CLCN4: variants seen among roughly 807,000 people sequenced by gnomAD.
The protein encoded by CLCN4 is Cl-/H+ antiporter 4.
CLCN4 carries 1 observed loss-of-function variant against 41.7 expected under a neutral mutation model. The observed-to-expected ratio is 0.02, with a 90% CI of 0.01 to 0.11. CLCN4 has a LOEUF of 0.11. Ranked by LOEUF, CLCN4 falls within the 10% of genes least tolerant of loss-of-function variation. CLCN4 has a pLI of 1.00. For missense variants in CLCN4, 287 were observed against 661.0 expected (o/e 0.43, Z 6.20); for synonymous variants, 277 against 285.8 (o/e 0.97, Z 0.31).
chrX:10,212,384 G>T, intron 9 of CLCN4, 83 bp from the exon 10 acceptor site: 1 of 967,413 alleles, frequency 1.0e-6, no homozygotes. Context: ...CAAGCCCGTC[G>T]AGGGGGAATG....
At chrX:10,218,343 G>A (rs1316979611) in intron 11 of CLCN4, among the ~76,000 whole-genome samples, 1 of 111,483 alleles carries the variant, frequency 9.0e-6, no homozygotes, top group Non-Finnish European at 1.9e-5. Flanking sequence ...ATGCATTTTC[G>A]GTTGTATTGT....
Position 10,194,937 on chromosome X carries a change from G to A in CLCN4, c.271G>A (p.Ala91Thr). Reference sequence around the variant, plus strand: ...CACCTTGGCTGGGGTCATCGATCTCGCCGTGGACTGGATGACGGACCTGAA... The same window carrying A: ...CACCTTGGCTGGGGTCATCGATCTCACCGTGGACTGGATGACGGACCTGAA... ...AGTLAGVIDL[A>T]VDWMTDLKEG... The change falls in exon 5 of 13, where the codon GCC (alanine) becomes ACC (threonine). Residue 91 changes from alanine to threonine, a missense_variant. By Grantham distance (58) the Ala-to-Thr change is moderately conservative. Transcript: ENST00000380833. 1.7e-6 allele frequency: 2 copies of A among 1,211,312 alleles called. No homozygotes were observed. Among genetic ancestry groups the A allele is most frequent in the Non-Finnish European group, 2.2e-6 (2 of 895,335 alleles).
At position 10,234,481 on chromosome X, in the gene CLCN4, C is replaced by A. The variant is rs1242452694; in HGVS notation, c.*897C>A. The A allele has an allele frequency of 8.9e-6, 1 of 112,992 alleles. No homozygotes were observed. The highest frequency in any genetic ancestry group is 9.3e-5 in the Admixed American group (1 of 10,714). The allele number at this position is 112,992 out of a possible 1,213,427, so 9.3% of individuals were successfully genotyped here. ...TGGGCCATAGCCGGTATGCCCCCAG[C>A]CTGCCATAAGCGTGCTTTCATTTTC... is the stretch of plus-strand genomic sequence containing the variant. On this transcript the variant is annotated 3_prime_UTR_variant, in exon 13 of 13. Coordinates refer to ENST00000380833, the MANE Select transcript of CLCN4 (RefSeq NM_001830.4).
intron 6 of CLCN4, among the ~76,000 whole-genome samples, chrX:10,205,326 A>G (rs1224136986): frequency 9.1e-6 from 1 of 109,627 alleles, no homozygotes; most frequent in Non-Finnish European, 1.9e-5. Flanking sequence ...ACAAAAAATT[A>G]GCCGGGCATG....
At position 10,220,795 on chromosome X, in the gene CLCN4, G is replaced by A; in HGVS notation, c.2110G>A (p.Val704Met). ...RRILNLSPFT[V>M]TDHTPMETVV... is the part of the protein sequence containing the mutation. ...CATCCTGAACCTCAGCCCGTTTACA[G>A]TGACAGACCACACTCCGATGGAAAC... The change falls in exon 12 of 13, where the codon GTG becomes ATG. Residue 704 changes from valine (V) to methionine (M), a missense_variant. Physicochemically the swap from Val to Met is conservative, Grantham distance 21. This residue lies in a region of CLCN4 where 71 missense variants were observed against 104.5 expected (regional missense o/e 0.68). Coordinates refer to ENST00000380833, the MANE Select transcript of CLCN4 (RefSeq NM_001830.4). 8.3e-7 allele frequency: 1 copy of A among 1,212,120 alleles called. No homozygotes were observed. The highest frequency in any genetic ancestry group is 1.1e-6 in the Non-Finnish European group (1 of 895,549).
At chrX:10,218,970 G>A (rs888553953) in intron 11 of CLCN4, among the ~76,000 whole-genome samples, 4 of 112,394 alleles carry the variant, frequency 3.6e-5, no homozygotes, top group Admixed American at 9.4e-5. Context: ...CTACTCATCC[G>A]TTCATTCATA....
In CLCN4 at chrX:10,208,299, G is replaced by C. The variant is rs758332527; in HGVS notation, c.1098G>C (p.Gly366=). The change falls in exon 9 of 13, where the codon GGG becomes GGC. Residue 366 remains glycine (G), a synonymous_variant. Transcript: ENST00000380833. ...WCRRRKTTRL[G]KYPVLEVIVV... is the part of the protein sequence containing the mutation. ...GGAGGCGCAAGACCACCAGGCTGGG[G>C]AAGTACCCGGTGCTGGAGGTCATTG... 8.3e-7 allele frequency: 1 copy of C among 1,209,155 alleles called. No homozygotes were observed. Among genetic ancestry groups the C allele is most frequent in the Non-Finnish European group, 1.1e-6 (1 of 895,116 alleles).
chrX:10,227,602 C>T (rs944425856), intron 12 of CLCN4, among the ~76,000 whole-genome samples: 1 of 111,741 alleles, frequency 8.9e-6, no homozygotes, highest in Non-Finnish European at 1.9e-5. Flanking sequence ...GCATTAATCA[C>T]CACAATTTTA....
chrX:10,211,539 A>G (rs751612167), intron 9 of CLCN4, among the ~76,000 whole-genome samples: 2 of 111,963 alleles, frequency 1.8e-5, no homozygotes, highest in South Asian at 7.4e-4. Flanking sequence ...GGAAGCTCAG[A>G]AAGGAATGAT....
intron 12 of CLCN4, among the ~76,000 whole-genome samples, chrX:10,231,383 A>T: frequency 8.9e-6 from 1 of 111,801 alleles, no homozygotes; most frequent in East Asian, 2.8e-4. Flanking sequence ...TCAATATATC[A>T]TCCAATATCC....
At chrX:10,229,170 C>A (rs931554489) in intron 12 of CLCN4, among the ~76,000 whole-genome samples, 1 of 111,123 alleles carries the variant, frequency 9.0e-6, no homozygotes, top group African/African-American at 3.3e-5. Context: ...GGGAGGGGGC[C>A]TCACTGGGGA....
chrX:10,179,544 G>A (rs2147164729), intron 2 of CLCN4, among the ~76,000 whole-genome samples: 1 of 111,131 alleles, frequency 9.0e-6, no homozygotes. Context: ...CTGATTCTTG[G>A]TAAGTGGAAT....
At chrX:10,216,321 G>A (rs745837482) in intron 11 of CLCN4, among the ~76,000 whole-genome samples, 16 of 112,196 alleles carry the variant, frequency 1.4e-4, no homozygotes, top group Non-Finnish European at 2.8e-4. Flanking sequence ...AGAGCACGTC[G>A]TTAGCACCAC....
intron 2 of CLCN4, among the ~76,000 whole-genome samples, chrX:10,166,477 C>T (rs1923253988): frequency 9.0e-6 from 1 of 111,137 alleles, no homozygotes; most frequent in Admixed American, 9.5e-5. Context: ...GAAACGTGGC[C>T]CCCAGTGCCC....
At chrX:10,195,332 C>T (rs11797973) in intron 5 of CLCN4, among the ~76,000 whole-genome samples, 43 of 110,514 alleles carry the variant, frequency 3.9e-4, no homozygotes, top group African/African-American at 6.3e-4. Flanking sequence ...TATATATATA[C>T]ACTTTAAGCC....
intron 12 of CLCN4, among the ~76,000 whole-genome samples, chrX:10,232,587 G>A (rs754842652): frequency 1.1e-4 from 12 of 112,227 alleles, no homozygotes; most frequent in Non-Finnish European, 1.9e-4. Context: ...TTCCAAAGAA[G>A]TTGTTCACTT....
In CLCN4 at chrX:10,237,224, TCTA is replaced by T. The variant is rs1925274788; in HGVS notation, c.*3643_*3645del. Reference sequence around the variant, plus strand: ...CTTTAAATTACCAACATGTGCAAATTCTACTTAGTATTCATTATTAGATGCTAA... The same window carrying T: ...CTTTAAATTACCAACATGTGCAAATTCTTAGTATTCATTATTAGATGCTAA... On this transcript the variant is annotated 3_prime_UTR_variant, in exon 13 of 13. Coordinates refer to ENST00000380833, the MANE Select transcript of CLCN4 (RefSeq NM_001830.4). 8.9e-6 allele frequency: 1 copy of T among 112,495 alleles called. No homozygotes were observed. The highest frequency in any genetic ancestry group is 3.2e-5 in the African/African-American group (1 of 30,947). The allele number at this position is 112,495 out of a possible 1,213,427, so 9.3% of individuals were successfully genotyped here. A position where few individuals can be genotyped will look rare whatever the true frequency, so the allele number is the denominator to read the frequency against.
intron 2 of CLCN4, among the ~76,000 whole-genome samples, chrX:10,172,965 TGGA>T (rs1210750598): frequency 9.0e-6 from 1 of 111,629 alleles, no homozygotes; most frequent in African/African-American, 3.3e-5. Flanking sequence ...CAGGAGACCC[TGGA>T]GGAGGCGCTT....
intron 3 of CLCN4, among the ~76,000 whole-genome samples, chrX:10,187,106 G>C: frequency 8.9e-6 from 1 of 112,146 alleles, no homozygotes; most frequent in East Asian, 2.8e-4. Context: ...AACAAAAGGA[G>C]GAGATGAAGT....
Sources: gnomAD v4.1 joint callset for allele counts (sites outside exome capture counted in the v4.1 genomes callset) on GRCh38, gnomAD v4.1.1 for gene constraint, gnomAD v4.1.1 regional missense constraint, MANE v1.5 for transcripts, NCBI Gene and HGNC (gene_info 2026-07-23, HGNC 2026-07-21) for gene names.